CCND2: variants seen among roughly 807,000 people sequenced by gnomAD.
CCND2 encodes the protein cyclin D2, also known as G1/S-specific cyclin-D2.
A neutral mutation model predicts 30.2 loss-of-function variants in CCND2; 6 were observed. The observed-to-expected ratio is 0.20, with a 90% CI of 0.11 to 0.39. The LOEUF (loss-of-function observed/expected upper bound fraction) is 0.39. Among genes scored for constraint, CCND2 ranks in the 10% least tolerant of loss-of-function variants. The probability of loss-of-function intolerance (pLI) is 1.00; values close to 1 mark genes in which losing one functional copy is unlikely to be tolerated. For missense variants in CCND2, 235 were observed against 373.4 expected (o/e 0.63, Z 3.06); for synonymous variants, 150 against 153.1 (o/e 0.98, Z 0.15).
At chr12:4,277,921 C>T (rs578079744) in intron 2 of CCND2, among the ~76,000 whole-genome samples, 24 of 152,332 alleles carry the variant, frequency 1.6e-4, no homozygotes, top group South Asian at 1.0e-3. Context: ...CACAGTTTCC[C>T]GTAAGTATCT....
Position 4,302,329 on chromosome 12 carries a change from C to G in CCND2, c.*2320C>G, listed in dbSNP as rs898275850. 15 of 232,952 alleles carry G rather than the reference C, an allele frequency of 6.4e-5. No homozygotes were observed. The highest frequency in any genetic ancestry group is 8.5e-6 in the Non-Finnish European group (1 of 117,954). The allele number at this position is 232,952 out of a possible 1,614,324, so 14.4% of individuals were successfully genotyped here. A position where few individuals can be genotyped will look rare whatever the true frequency, so the allele number is the denominator to read the frequency against. On this transcript the variant is annotated 3_prime_UTR_variant, in exon 5 of 5. Transcript: ENST00000261254. ...CGGTAGGCTCAGATGTCGTAATTTG[C>G]ACTTAGGTACCAGGTGTCAGGAAAC...
intron 2 of CCND2, 147 bp from the exon 3 acceptor site, chr12:4,278,613 A>G (rs960469458): frequency 1.3e-5 from 8 of 631,250 alleles, no homozygotes; most frequent in African/African-American, 3.7e-5. Flanking sequence ...TCAGGGGCAC[A>G]TTGACAAATG....
intron 4 of CCND2, among the ~76,000 whole-genome samples, chr12:4,296,770 A>G (rs1476849574): frequency 6.6e-6 from 1 of 152,244 alleles, no homozygotes; most frequent in Non-Finnish European, 1.5e-5. Flanking sequence ...CAGTGGAGGA[A>G]CATTACACGT....
chr12:4,288,711 A>G (rs1864056342), intron 3 of CCND2, 131 bp from the exon 4 acceptor site: 2 of 759,694 alleles, frequency 2.6e-6, no homozygotes, highest in South Asian at 3.6e-5. Flanking sequence ...GAGGGAGGAC[A>G]TGCCTGTAGG....
intron 4 of CCND2, among the ~76,000 whole-genome samples, chr12:4,289,539 A>G (rs2120562502): frequency 6.6e-6 from 1 of 152,220 alleles, no homozygotes; most frequent in East Asian, 1.9e-4. Flanking sequence ...AAGTGCTTTC[A>G]AAAGACAAAG....
At chr12:4,286,720 G>A (rs768844940) in intron 3 of CCND2, among the ~76,000 whole-genome samples, 11 of 152,226 alleles carry the variant, frequency 7.2e-5, no homozygotes, top group African/African-American at 2.7e-4. Flanking sequence ...CTGTGCAACC[G>A]GTGCACCTGT....
rs1295512936 is a variant in CCND2 at position 4,304,098 on chromosome 12, C to T, written c.*4089C>T. 4.3e-6 allele frequency: 1 copy of T among 233,242 alleles called. No homozygotes were observed. The highest frequency in any genetic ancestry group is 2.2e-5 in the African/African-American group (1 of 45,342). The allele number at this position is 233,242 out of a possible 1,614,324, so 14.4% of individuals were successfully genotyped here. On this transcript the variant is annotated 3_prime_UTR_variant, in exon 5 of 5. Coordinates refer to ENST00000261254, the MANE Select transcript of CCND2 (RefSeq NM_001759.4). This position sits in a 1 kb window ranked among gnomAD's most constrained non-coding sequence, Gnocchi z 6.2. ...GAACATAAGGCAGGATCAGATGACT[C>T]TCTCCAAGAGGGCAGGGGAATTTTC...
intron 3 of CCND2, among the ~76,000 whole-genome samples, chr12:4,283,513 G>A (rs1863981139): frequency 6.6e-6 from 1 of 152,220 alleles, no homozygotes; most frequent in Admixed American, 6.5e-5. Flanking sequence ...AGTGACATCA[G>A]CCAGATCACT....
chr12:4,297,762 C>T, intron 4 of CCND2: 1 of 358,324 alleles, frequency 2.8e-6, no homozygotes, highest in South Asian at 2.0e-5. Context: ...TTCAGCTCAA[C>T]AGGTCGGACA....
At chr12:4,295,555 T>A (rs1864158147) in intron 4 of CCND2, among the ~76,000 whole-genome samples, 1 of 152,170 alleles carries the variant, frequency 6.6e-6, no homozygotes, top group South Asian at 2.1e-4. Context: ...GGCGGGTGGA[T>A]CATCTGAGGT....
rs1028390296 is a variant in CCND2, at chr12:4,282,351, C to A, written c.571+3432C>A. Among the ~76,000 whole-genome samples, 1 of 152,186 alleles carries A rather than the reference C, an allele frequency of 6.6e-6. No individual in the cohort carries two copies. The highest frequency in any genetic ancestry group is 2.4e-5 in the African/African-American group (1 of 41,446). On this transcript the variant is annotated intron_variant, in intron 3 of 4. Coordinates refer to ENST00000261254, the MANE Select transcript of CCND2 (RefSeq NM_001759.4). This position sits in a 1 kb window ranked among gnomAD's most constrained non-coding sequence, Gnocchi z 4.3. Reference sequence around the variant, plus strand: ...ACACGGTAGCCACCCCCAGGCCTCCCCACGCCAAGGCCAGAGCCCCATTGT... The same window carrying A: ...ACACGGTAGCCACCCCCAGGCCTCCACACGCCAAGGCCAGAGCCCCATTGT...
At position 4,299,873 on chromosome 12, in the gene CCND2, C is replaced by T. The variant is rs1864223432; in HGVS notation, c.734C>T (p.Ala245Val). 6.2e-7 allele frequency: 1 copy of T among 1,614,048 alleles called. No homozygotes were observed. Among genetic ancestry groups the T allele is most frequent in the Non-Finnish European group, 8.5e-7 (1 of 1,179,968 alleles). ...ITNTDVDCLK[A>V]CQEQIEAVLL... Reference sequence around the variant, plus strand: ...CCATTGTTCTAGGATTGTCTCAAAGCTTGCCAGGAGCAGATTGAGGCGGTG... The same window carrying T: ...CCATTGTTCTAGGATTGTCTCAAAGTTTGCCAGGAGCAGATTGAGGCGGTG... Residue 245 changes from alanine (A) to valine (V), a missense_variant, in exon 5 of 5, where the codon GCT becomes GTT. This residue lies in a region of CCND2 where 178 missense variants were observed against 322.8 expected (regional missense o/e 0.55). Transcript: ENST00000261254. This position sits in a 1 kb window ranked among gnomAD's most constrained non-coding sequence, Gnocchi z 5.2.
chr12:4,275,937 C>G, intron 1 of CCND2, 68 bp from the exon 2 acceptor site: 2 of 982,722 alleles, frequency 2.0e-6, no homozygotes, highest in Middle Eastern at 2.2e-4. Flanking sequence ...CTTTTTTATT[C>G]TTTTTCTCTT....
chr12:4,276,168 C>T lies in CCND2; in HGVS notation c.359C>T (p.Ala120Val), dbSNP rs1345554353. ...CTCAAAGAGACCAGCCCGCTGACCG[C>T]GGAGAAGCTGTGCATTTACACCGAC... ...SKLKETSPLT[A>V]EKLCIYTDNS... Residue 120 changes from alanine (A) to valine (V), a missense_variant, in exon 2 of 5, where the codon GCG becomes GTG. By Grantham distance (64) the Ala-to-Val change is moderately conservative. This residue lies in a region of CCND2 where 178 missense variants were observed against 322.8 expected (regional missense o/e 0.55). Transcript: ENST00000261254. This position sits in a 1 kb window ranked among gnomAD's most constrained non-coding sequence, Gnocchi z 4.8. The T allele has an allele frequency of 3.1e-6, 5 of 1,614,218 alleles. No homozygotes were observed. The highest frequency in any genetic ancestry group is 1.7e-5 in the Admixed American group (1 of 60,030).
At chr12:4,275,864 G>C in intron 1 of CCND2, 141 bp from the exon 2 acceptor site, 1 of 564,012 alleles carries the variant, frequency 1.8e-6, no homozygotes, top group South Asian at 2.5e-5. Flanking sequence ...TTCTTATCAC[G>C]CATTCTGGTC....
In CCND2 at chr12:4,285,617, C is replaced by T. The variant is rs1302137372; in HGVS notation, c.572-3225C>T. The T allele has an allele frequency of 6.0e-6, 1 of 165,520 alleles. No homozygotes were observed. The highest frequency in any genetic ancestry group is 2.4e-5 in the African/African-American group (1 of 41,642). The allele number at this position is 165,520 out of a possible 1,614,324, so 10.3% of individuals were successfully genotyped here. A position where few individuals can be genotyped will look rare whatever the true frequency, so the allele number is the denominator to read the frequency against. ...GCATGCATGCATGCAATTTGGTTTTCCGCTTCCTTCTTCTGAGTGGATATT... is the reference window on the plus strand; with the variant it reads ...GCATGCATGCATGCAATTTGGTTTTTCGCTTCCTTCTTCTGAGTGGATATT... On this transcript the variant is annotated intron_variant, in intron 3 of 4. Coordinates refer to ENST00000261254, the MANE Select transcript of CCND2 (RefSeq NM_001759.4). The surrounding 1 kb of genome is among the most constrained non-coding windows in gnomAD (Gnocchi z 4.1).
chr12:4,278,347 G>A (rs756562744), intron 2 of CCND2, among the ~76,000 whole-genome samples: 10 of 152,004 alleles, frequency 6.6e-5, no homozygotes, highest in Middle Eastern at 3.2e-3. Context: ...CTATTAATTC[G>A]GTGATAGAGA....
Position 4,304,144 on chromosome 12 carries a change from C to T in CCND2, c.*4135C>T. 2 of 233,312 alleles carry T rather than the reference C, an allele frequency of 8.6e-6. No homozygotes were observed. The highest frequency in any genetic ancestry group is 6.0e-5 in the East Asian group (1 of 16,572). 14.5% of individuals were successfully genotyped at this position (233,312 alleles called of 1,614,324 possible). A position where few individuals can be genotyped will look rare whatever the true frequency, so the allele number is the denominator to read the frequency against. On this transcript the variant is annotated 3_prime_UTR_variant, in exon 5 of 5. Coordinates refer to ENST00000261254, the MANE Select transcript of CCND2 (RefSeq NM_001759.4). This position sits in a 1 kb window ranked among gnomAD's most constrained non-coding sequence, Gnocchi z 6.2. ...TTTTCTCTCCATGGGCCACAGGGGA[C>T]AGGGCTGGGAGAAGAAATAGACTTG... is the stretch of plus-strand genomic sequence containing the variant.
chr12:4,296,707 A>G lies in CCND2; in HGVS notation c.721-3153A>G, dbSNP rs972359198. ...ATTTAGTCCCTCTGCCTCTTGGGGA[A>G]AAAAAAAAAAAAATTGTAAACATCC... is the stretch of plus-strand genomic sequence containing the variant. On this transcript the variant is annotated intron_variant, in intron 4 of 4. Coordinates refer to ENST00000261254, the MANE Select transcript of CCND2 (RefSeq NM_001759.4). Among the ~76,000 whole-genome samples, 7 of 14,080 alleles carry G rather than the reference A, an allele frequency of 5.0e-4. No individual in the cohort carries two copies. In the East Asian group the frequency reaches 0.074, roughly 149 times the overall value. 9.2% of individuals were successfully genotyped at this position (14,080 alleles called of 152,430 possible). A position where few individuals can be genotyped will look rare whatever the true frequency, so the allele number is the denominator to read the frequency against.
Sources: gnomAD v4.1 joint callset for allele counts (sites outside exome capture counted in the v4.1 genomes callset) on GRCh38, gnomAD v4.1.1 for gene constraint, gnomAD v4.1.1 regional missense constraint, Gnocchi (gnomAD v3.1) non-coding constraint, MANE v1.5 for transcripts, NCBI Gene and HGNC (gene_info 2026-07-23, HGNC 2026-07-21) for gene names.